Variants in LRRTM4 observed in about 807,000 individuals in gnomAD.
The protein encoded by LRRTM4 is leucine-rich repeat transmembrane neuronal protein 4.
A neutral mutation model predicts 47.6 loss-of-function variants in LRRTM4; 25 were observed. The ratio of observed to expected loss-of-function variants is 0.53; its 90% CI spans 0.38 to 0.73. The LOEUF (loss-of-function observed/expected upper bound fraction) is 0.73. Ranked by LOEUF, LRRTM4 falls within the 30% of genes least tolerant of loss-of-function variation. The pLI is 0.00. For synonymous variants in LRRTM4, 311 were observed against 269.5 expected (o/e 1.15, Z -1.51); for missense variants, 638 against 713.4 (o/e 0.89, Z 1.20).
intron 3 of LRRTM4, among the ~76,000 whole-genome samples, chr2:76,802,687 C>T (rs1449903313): frequency 6.6e-6 from 1 of 152,098 alleles, no homozygotes; most frequent in East Asian, 1.9e-4. Flanking sequence ...CTGGAGGTAT[C>T]ATACTACCTG....
chr2:76,924,295 A>C (rs1325200543), intron 3 of LRRTM4, among the ~76,000 whole-genome samples: 1 of 152,090 alleles, frequency 6.6e-6, no homozygotes, highest in African/African-American at 2.4e-5. Flanking sequence ...CTGTCTTTAT[A>C]AACTATTTTC....
chr2:77,003,775 A>G (rs1247501538), intron 3 of LRRTM4, among the ~76,000 whole-genome samples: 3 of 151,830 alleles, frequency 2.0e-5, no homozygotes, highest in Non-Finnish European at 2.9e-5. Flanking sequence ...GAACTGGGCA[A>G]CAGGCAGAGG....
chr2:77,072,667 C>T (rs1055077451), intron 3 of LRRTM4, among the ~76,000 whole-genome samples: 18 of 151,938 alleles, frequency 1.2e-4, no homozygotes, highest in African/African-American at 4.4e-4. Context: ...GGTGTGGTGG[C>T]ACCCTCCTGT....
Position 77,108,645 on chromosome 2 carries a change from G to A in LRRTM4, c.1552-359729C>T, listed in dbSNP as rs1172470305. On this transcript the variant is annotated intron_variant, in intron 3 of 3. Coordinates refer to ENST00000409884, the MANE Select transcript of LRRTM4 (RefSeq NM_001134745.3). ...GTCGCCCAGGCTGGAGTGCAGTGGC[G>A]GGATCTGGGCTCACTGCAAGCTCCG... Among the ~76,000 whole-genome samples the A allele has an allele frequency of 1.4e-3, 214 of 149,198 alleles. 1 individual carries two copies. The highest frequency in any genetic ancestry group is 3.8e-3 in the African/African-American group (152 of 40,474).
Position 76,748,644 on chromosome 2 carries a change from A to G in LRRTM4, c.*51T>C. On this transcript the variant is annotated 3_prime_UTR_variant, in exon 4 of 4. Coordinates refer to ENST00000409884, the MANE Select transcript of LRRTM4 (RefSeq NM_001134745.3). ...GGACACCCATTCTCCTTTAAGATGA[A>G]GGCCCTCCCTCCCCCCCATGGAGCT... The G allele has an allele frequency of 1.5e-6, 2 of 1,372,032 alleles. No individual in the cohort carries two copies. Among genetic ancestry groups the G allele is most frequent in the Non-Finnish European group, 2.0e-6 (2 of 975,898 alleles). 85.0% of individuals were successfully genotyped at this position (1,372,032 alleles called of 1,614,324 possible).
intron 3 of LRRTM4, among the ~76,000 whole-genome samples, chr2:76,870,551 T>G (rs1672594522): frequency 1.3e-5 from 2 of 152,176 alleles, no homozygotes; most frequent in Admixed American, 1.3e-4. Context: ...TGAACTTTTT[T>G]TTCCAGCCAG....
intron 3 of LRRTM4, among the ~76,000 whole-genome samples, chr2:77,274,254 G>A (rs1485656058): frequency 6.6e-6 from 1 of 152,010 alleles, no homozygotes; most frequent in African/African-American, 2.4e-5. Context: ...TCACGAAAAG[G>A]TTAATGAGCA....
intron 3 of LRRTM4, among the ~76,000 whole-genome samples, chr2:77,048,440 G>C (rs1335209698): frequency 6.6e-6 from 1 of 151,968 alleles, no homozygotes; most frequent in Non-Finnish European, 1.5e-5. Flanking sequence ...AAGTCAATTT[G>C]TGTTACAGCT....
chr2:77,241,076 A>C (rs1263644709), intron 3 of LRRTM4, among the ~76,000 whole-genome samples: 1 of 152,016 alleles, frequency 6.6e-6, no homozygotes, highest in Non-Finnish European at 1.5e-5. Context: ...TGTATAAAAA[A>C]GAAGGAACTA....
intron 3 of LRRTM4, among the ~76,000 whole-genome samples, chr2:77,047,020 A>G (rs998636436): frequency 1.3e-5 from 2 of 152,048 alleles, no homozygotes; most frequent in African/African-American, 4.8e-5. Flanking sequence ...ACATTCTGCT[A>G]TAATTTGGTA....
chr2:77,071,831 A>T (rs1680163777), intron 3 of LRRTM4, among the ~76,000 whole-genome samples: 1 of 152,172 alleles, frequency 6.6e-6, no homozygotes, highest in Non-Finnish European at 1.5e-5. Context: ...TTCAAACAGG[A>T]TCCAAAACCC....
At chr2:76,781,597 C>G (rs1674394947) in intron 3 of LRRTM4, among the ~76,000 whole-genome samples, 1 of 152,238 alleles carries the variant, frequency 6.6e-6, no homozygotes, top group Admixed American at 6.5e-5. Flanking sequence ...GAGGCAATGC[C>G]TCGCCCTGCT....
intron 3 of LRRTM4, among the ~76,000 whole-genome samples, chr2:76,853,738 A>C (rs1479021516): frequency 6.6e-6 from 1 of 152,212 alleles, no homozygotes; most frequent in Non-Finnish European, 1.5e-5. Context: ...AAAGGTGTTA[A>C]GGTAAATTCC....
chr2:77,213,541 T>G (rs376780321), intron 3 of LRRTM4, among the ~76,000 whole-genome samples: 12 of 152,314 alleles, frequency 7.9e-5, no homozygotes, highest in African/African-American at 2.6e-4. Flanking sequence ...ACACTTTCAA[T>G]AATGTTAGCT....
intron 3 of LRRTM4, among the ~76,000 whole-genome samples, chr2:76,899,311 C>CCACACACACACA (rs34031809): frequency 5.6e-4 from 76 of 136,454 alleles, no homozygotes; most frequent in East Asian, 1.6e-3. Flanking sequence ...GACTAATAAA[C>CCACACACACACA]CACACACACA....
At chr2:76,921,825 G>C (rs1674441928) in intron 3 of LRRTM4, among the ~76,000 whole-genome samples, 1 of 152,006 alleles carries the variant, frequency 6.6e-6, no homozygotes, top group South Asian at 2.1e-4. Flanking sequence ...ACAAGCATTA[G>C]AATCAGCCAT....
intron 3 of LRRTM4, among the ~76,000 whole-genome samples, chr2:77,017,956 G>A (rs988181452): frequency 3.3e-5 from 5 of 151,636 alleles, no homozygotes; most frequent in African/African-American, 1.2e-4. Flanking sequence ...TAATCATAAT[G>A]GCATAATACT....
intron 3 of LRRTM4, among the ~76,000 whole-genome samples, chr2:76,919,774 A>G (rs1181478606): frequency 6.6e-6 from 1 of 152,198 alleles, no homozygotes; most frequent in Non-Finnish European, 1.5e-5. Context: ...TCCAATGCAC[A>G]TTATAGCATA....
intron 3 of LRRTM4, among the ~76,000 whole-genome samples, chr2:77,028,218 G>A (rs1025968914): frequency 3.3e-5 from 5 of 152,104 alleles, no homozygotes; most frequent in African/African-American, 9.7e-5. Context: ...GTATCAGAAC[G>A]TAGCGCATGA....
Sources: gnomAD v4.1 joint callset for allele counts (sites outside exome capture counted in the v4.1 genomes callset) on GRCh38, gnomAD v4.1.1 for gene constraint, MANE v1.5 for transcripts, NCBI Gene and HGNC (gene_info 2026-07-23, HGNC 2026-07-21) for gene names.